Variants in RASSF8 observed in about 807,000 individuals in gnomAD.
RASSF8 encodes the protein Ras association domain family member 8.
RASSF8 carries 22 observed loss-of-function variants against 48.5 expected under a neutral mutation model. That is an observed-to-expected ratio of 0.45 (90% CI 0.32 to 0.65). The LOEUF is 0.65. Among genes scored for constraint, RASSF8 ranks in the 30% least tolerant of loss-of-function variants. The pLI is 0.03. For missense variants in RASSF8, 418 were observed against 489.2 expected, an observed-to-expected ratio of 0.85 and a Z score of 1.37; for synonymous variants, 127 against 171.5, an observed-to-expected ratio of 0.74 and a Z score of 2.03.
intron 1 of RASSF8, among the ~76,000 whole-genome samples, chr12:25,968,365 CAG>C (rs1387080520): frequency 3.9e-5 from 6 of 152,022 alleles, no homozygotes; most frequent in Admixed American, 2.6e-4. Flanking sequence ...TTTTTTGAGA[CAG>C]AGTCTCGCTC....
At chr12:25,958,549 G>C (rs948542385), upstream of RASSF8, 1 of 148,964 alleles carries the variant, frequency 6.7e-6, no homozygotes, top group Non-Finnish European at 1.5e-5. Flanking sequence ...GCTGAAACCC[G>C]AGCGCCCGGC....
At chr12:25,976,814 C>T (rs904699159) in intron 1 of RASSF8, among the ~76,000 whole-genome samples, 1 of 152,182 alleles carries the variant, frequency 6.6e-6, no homozygotes, top group Non-Finnish European at 1.5e-5. Context: ...ATGACTTTCT[C>T]CAGCCTCTCT....
At chr12:26,012,882 C>T (rs1480123647) in intron 2 of RASSF8, among the ~76,000 whole-genome samples, 1 of 151,970 alleles carries the variant, frequency 6.6e-6, no homozygotes, top group Admixed American at 6.6e-5. Context: ...CACTTTGTTG[C>T]CCAGGCTGGT....
chr12:26,017,531 C>G (rs1322278781), intron 2 of RASSF8, among the ~76,000 whole-genome samples: 2 of 152,226 alleles, frequency 1.3e-5, no homozygotes, highest in Admixed American at 1.3e-4. Flanking sequence ...CTCAGGCTCA[C>G]TGGAAAGCAG....
intron 2 of RASSF8, chr12:26,011,690 C>G (rs1942528937): frequency 6.6e-6 from 1 of 152,166 alleles, no homozygotes; most frequent in Non-Finnish European, 1.5e-5. Context: ...CCCTGGAGAG[C>G]TGTCTTGCCC....
Position 26,072,681 on chromosome 12 carries a change from A to G in RASSF8, c.*3863A>G. ...AAAATTGCCATGTTCACTAATTGTGAGCACATAAATATGCTTTTAGTACTG... is the reference window on the plus strand; with the variant it reads ...AAAATTGCCATGTTCACTAATTGTGGGCACATAAATATGCTTTTAGTACTG... On this transcript the variant is annotated 3_prime_UTR_variant, in exon 6 of 6. Coordinates refer to ENST00000689635, the MANE Select transcript of RASSF8 (RefSeq NM_001394098.1). The G allele has an allele frequency of 1.0e-6, 1 of 984,708 alleles. No individual in the cohort carries two copies. The highest frequency in any genetic ancestry group is 1.7e-5 in the African/African-American group (1 of 57,340). The allele number at this position is 984,708 out of a possible 1,614,324, so 61.0% of individuals were successfully genotyped here. A position where few individuals can be genotyped will look rare whatever the true frequency, so the allele number is the denominator to read the frequency against.
At chr12:25,995,642 G>T (rs1348487024) in intron 2 of RASSF8, among the ~76,000 whole-genome samples, 3 of 151,582 alleles carry the variant, frequency 2.0e-5, no homozygotes, top group Non-Finnish European at 4.4e-5. Flanking sequence ...TCTATTATTG[G>T]CTTCATTAAG....
At chr12:26,049,843 G>C (rs967422980) in intron 2 of RASSF8, among the ~76,000 whole-genome samples, 14 of 152,198 alleles carry the variant, frequency 9.2e-5, no homozygotes, top group Admixed American at 2.0e-4. Flanking sequence ...GAGTGCAATA[G>C]TGTGATATCT....
intron 2 of RASSF8, among the ~76,000 whole-genome samples, chr12:26,033,900 A>G (rs1016406232): frequency 1.3e-5 from 2 of 151,928 alleles, no homozygotes; most frequent in African/African-American, 4.8e-5. Context: ...TCATTTGTAA[A>G]ATGGGGATGA....
chr12:25,981,824 A>G (rs1163810329), intron 1 of RASSF8, among the ~76,000 whole-genome samples: 1 of 152,166 alleles, frequency 6.6e-6, no homozygotes, highest in Non-Finnish European at 1.5e-5. Flanking sequence ...AGCATGATTG[A>G]TTATTTCTGT....
chr12:26,056,252 C>G (rs1357806476), intron 3 of RASSF8, among the ~76,000 whole-genome samples: 2 of 152,098 alleles, frequency 1.3e-5, no homozygotes, highest in Non-Finnish European at 2.9e-5. Flanking sequence ...TCATGTTATT[C>G]TCCCACCATG....
At chr12:26,037,303 C>A (rs1460362702) in intron 2 of RASSF8, among the ~76,000 whole-genome samples, 1 of 152,198 alleles carries the variant, frequency 6.6e-6, no homozygotes, top group African/African-American at 2.4e-5. Context: ...ATAAGATACT[C>A]TTTTGTCACC....
rs1258640989 is a variant in RASSF8, at chr12:26,019,562, A to G, written c.-109+24432A>G. On this transcript the variant is annotated intron_variant, in intron 2 of 5. Transcript: ENST00000689635. ...GGCTTGTGTGGAAGTTCGGGCATAC[A>G]CTGTGTGTGTGTGTGTGTGTGTGTG... Among the ~76,000 whole-genome samples, 3 of 119,066 alleles carry G rather than the reference A, an allele frequency of 2.5e-5. No individual in the cohort carries two copies. The East Asian group carries it at 7.1e-4, about 28-fold the overall frequency. 78.1% of individuals were successfully genotyped at this position (119,066 alleles called of 152,430 possible).
In RASSF8 at chr12:26,069,336, C is replaced by T; in HGVS notation, c.*518C>T. The T allele has an allele frequency of 1.0e-6, 1 of 984,784 alleles. No homozygotes were observed. The highest frequency in any genetic ancestry group is 1.2e-6 in the Non-Finnish European group (1 of 829,370). The allele number at this position is 984,784 out of a possible 1,614,324, so 61.0% of individuals were successfully genotyped here. A position where few individuals can be genotyped will look rare whatever the true frequency, so the allele number is the denominator to read the frequency against. ...CACTACACAAGTGTCCTAGGGTGCT[C>T]CACCATCGAAGCTAACTCCACAGGA... is the stretch of plus-strand genomic sequence containing the variant. On this transcript the variant is annotated 3_prime_UTR_variant, in exon 6 of 6. Transcript: ENST00000689635.
chr12:25,983,112 A>G (rs1941782416), intron 1 of RASSF8, among the ~76,000 whole-genome samples: 1 of 152,242 alleles, frequency 6.6e-6, no homozygotes, highest in Admixed American at 6.5e-5. Flanking sequence ...GAACCAGCCA[A>G]AATAGTAGAT....
intron 1 of RASSF8, among the ~76,000 whole-genome samples, chr12:25,988,960 T>A (rs1941952184): frequency 6.6e-6 from 1 of 152,224 alleles, no homozygotes; most frequent in Non-Finnish European, 1.5e-5. Context: ...ACTAGTTAGC[T>A]TTTTGAATTT....
intron 3 of RASSF8, among the ~76,000 whole-genome samples, chr12:26,063,140 G>A (rs1565644925): frequency 6.6e-6 from 1 of 152,154 alleles, no homozygotes; most frequent in Non-Finnish European, 1.5e-5. Flanking sequence ...AGAAAGCCAG[G>A]AAGGTAAATC....
At chr12:25,977,429 T>G (rs1364124820) in intron 1 of RASSF8, among the ~76,000 whole-genome samples, 6 of 152,188 alleles carry the variant, frequency 3.9e-5, no homozygotes, top group Non-Finnish European at 8.8e-5. Context: ...TTCTTCTATT[T>G]AAGGAACAAC....
intron 1 of RASSF8, among the ~76,000 whole-genome samples, chr12:25,970,303 G>C (rs1191081977): frequency 6.6e-6 from 1 of 152,112 alleles, no homozygotes; most frequent in Non-Finnish European, 1.5e-5. Flanking sequence ...CCTGCCCACT[G>C]AACTATGTGT....
Sources: gnomAD v4.1 joint callset for allele counts (sites outside exome capture counted in the v4.1 genomes callset) on GRCh38, gnomAD v4.1.1 for gene constraint, MANE v1.5 for transcripts, NCBI Gene and HGNC (gene_info 2026-07-23, HGNC 2026-07-21) for gene names.